Variants in OGFRL1 observed in about 807,000 individuals in gnomAD.
OGFRL1 encodes the protein opioid growth factor receptor like 1, also known as opioid growth factor receptor-like protein 1.
Under a neutral mutation model 32.4 loss-of-function variants are expected in OGFRL1, and 26 were observed. That is an observed-to-expected ratio of 0.80 (90% CI 0.59 to 1.11). The LOEUF is 1.11. Ranked by LOEUF, OGFRL1 falls within the 50% of genes most tolerant of loss-of-function variation. The pLI, the probability that OGFRL1 is intolerant of heterozygous loss-of-function variation, is 0.00. For missense variants in OGFRL1, 521 were observed against 546.4 expected (o/e 0.95, Z 0.46); for synonymous variants, 211 against 201.2 (o/e 1.05, Z -0.41).
In OGFRL1 at chr6:71,297,797, T is replaced by C. The variant is rs181254893; in HGVS notation, c.692+980T>C. ...TTGGTAAGATGGGTATAAATATATATATTTTTAATTTTATTATTATTATAC... is the reference window on the plus strand; with the variant it reads ...TTGGTAAGATGGGTATAAATATATACATTTTTAATTTTATTATTATTATAC... On this transcript the variant is annotated intron_variant, in intron 6 of 6. Coordinates refer to ENST00000370435, the MANE Select transcript of OGFRL1 (RefSeq NM_024576.5). Among the ~76,000 whole-genome samples the C allele has an allele frequency of 4.6e-5, 7 of 151,712 alleles. No homozygotes were observed. The East Asian group carries it at 1.4e-3, about 29-fold the overall frequency.
chr6:71,302,158 G>T lies in OGFRL1; in HGVS notation c.*109G>T. On this transcript the variant is annotated 3_prime_UTR_variant, in exon 7 of 7. Coordinates refer to ENST00000370435, the MANE Select transcript of OGFRL1 (RefSeq NM_024576.5). ...AATTTCAAATTTTAGCCATCTGTTT[G>T]TGATTTCTGTCATAAGCATTTTGTT... is the stretch of plus-strand genomic sequence containing the variant. The T allele has an allele frequency of 2.1e-6, 2 of 935,174 alleles. No homozygotes were observed. Among genetic ancestry groups the T allele is most frequent in the Non-Finnish European group, 1.5e-6 (1 of 663,762 alleles). The allele number at this position is 935,174 out of a possible 1,614,324, so 57.9% of individuals were successfully genotyped here.
Position 71,296,715 on chromosome 6 carries a change from C to CT in OGFRL1, c.592dup (p.Tyr198LeufsTer2), listed in dbSNP as rs1375638024. 7 of 1,613,340 alleles carry CT rather than the reference C, an allele frequency of 4.3e-6. No homozygotes were observed. Among genetic ancestry groups the CT allele is most frequent in the Non-Finnish European group, 5.9e-6 (7 of 1,179,658 alleles). On this transcript the variant is annotated frameshift_variant, in exon 6 of 7. Coordinates refer to ENST00000370435, the MANE Select transcript of OGFRL1 (RefSeq NM_024576.5). LOFTEE classifies it high-confidence loss of function. ...GAAGCAATTAGAAGATTCCTCCTGG[C>CT]TTATAAAATGATGCTAGAATTTTTT...
rs1001213528 is a variant in OGFRL1, at chr6:71,289,097, C to T, written c.161C>T (p.Pro54Leu). 6 of 1,116,938 alleles carry T rather than the reference C, an allele frequency of 5.4e-6. No homozygotes were observed. Among genetic ancestry groups the T allele is most frequent in the Non-Finnish European group, 6.6e-6 (6 of 915,720 alleles). 69.2% of individuals were successfully genotyped at this position (1,116,938 alleles called of 1,614,324 possible). ...GAGTCCGAGCAGCCCGCGCAGCCCC[C>T]GGAGCAAGCCGGCGGGCGGCCCGGC... Reference protein sequence around the residue: ...GQESEQPAQPPEQAGGRPGAS... With the variant: ...GQESEQPAQPLEQAGGRPGAS... Residue 54 changes from proline to leucine, a missense_variant, in exon 1 of 7, where the codon CCG becomes CTG. Pro to Leu is a moderately conservative substitution (Grantham distance 98). Coordinates refer to ENST00000370435, the MANE Select transcript of OGFRL1 (RefSeq NM_024576.5).
Position 71,301,657 on chromosome 6 carries a change from G to C in OGFRL1, c.964G>C (p.Gly322Arg). Residue 322 changes from glycine to arginine, a missense_variant, in exon 7 of 7, where the codon GGA becomes CGA. Coordinates refer to ENST00000370435, the MANE Select transcript of OGFRL1 (RefSeq NM_024576.5). ...WGPPRKEQSE[G>R]SKAQKMSSPL... ...ACCGCCTCGAAAAGAACAGTCGGAG[G>C]GAAGCAAAGCCCAGAAAATGTCTTC... 1 of 1,614,042 alleles carries C rather than the reference G, an allele frequency of 6.2e-7. No individual in the cohort carries two copies. The highest frequency in any genetic ancestry group is 1.3e-5 in the African/African-American group (1 of 74,996).
At position 71,301,715 on chromosome 6, in the gene OGFRL1, C is replaced by A; in HGVS notation, c.1022C>A (p.Ser341Tyr). The A allele has an allele frequency of 6.2e-7, 1 of 1,613,948 alleles. No homozygotes were observed. The highest frequency in any genetic ancestry group is 8.5e-7 in the Non-Finnish European group (1 of 1,180,024). Residue 341 changes from serine to tyrosine, a missense_variant, in exon 7 of 7, where the codon TCT becomes TAT. Physicochemically the swap from Ser to Tyr is moderately radical, Grantham distance 144 (BLOSUM62 -2). Transcript: ENST00000370435. ...GCCTCCAGTCATAACAGTCAAACTT[C>A]TATGCACAAAAAAGCCAAGGACTCC... Reference protein sequence around the residue: ...PLASSHNSQTSMHKKAKDSKN... With the variant: ...PLASSHNSQTYMHKKAKDSKN...
At chr6:71,299,961 A>C (rs1289956017) in intron 6 of OGFRL1, among the ~76,000 whole-genome samples, 1 of 152,224 alleles carries the variant, frequency 6.6e-6, no homozygotes, top group Non-Finnish European at 1.5e-5. Context: ...TGAATCATTA[A>C]GGTTTTTGTT....
rs954898025 is a variant in OGFRL1, at chr6:71,289,538, G to A, written c.234+368G>A. ...AGGATTTTGACAACCCCTCTAGTGT[G>A]TGTTATTGGTAAAAAAAAAAAAAAA... On this transcript the variant is annotated intron_variant, in intron 1 of 6. Coordinates refer to ENST00000370435, the MANE Select transcript of OGFRL1 (RefSeq NM_024576.5). 8.1e-3 allele frequency: 1,275 copies of A among 156,596 alleles called. 5 individuals carry two copies. Among genetic ancestry groups the A allele is most frequent in the Non-Finnish European group, 0.012 (1,163 of 100,234 alleles). 9.7% of individuals were successfully genotyped at this position (156,596 alleles called of 1,614,324 possible).
intron 2 of OGFRL1, 69 bp from the exon 3 acceptor site, chr6:71,293,464 C>T (rs1582551265): frequency 3.2e-6 from 5 of 1,551,370 alleles, no homozygotes; most frequent in Middle Eastern, 1.7e-4. Flanking sequence ...AGAAAACATG[C>T]ATGAAGGGTC....
chr6:71,297,865 CA>C (rs1434652679), intron 6 of OGFRL1, among the ~76,000 whole-genome samples: 8 of 151,610 alleles, frequency 5.3e-5, no homozygotes, highest in Non-Finnish European at 1.2e-4. Context: ...AGGTTAGTTA[CA>C]TATGTATACA....
At chr6:71,292,620 A>G (rs933277945) in intron 1 of OGFRL1, among the ~76,000 whole-genome samples, 2 of 152,194 alleles carry the variant, frequency 1.3e-5, no homozygotes, top group Admixed American at 6.5e-5. Context: ...ACCATGTATA[A>G]GTTGTTTCAA....
At position 71,289,499 on chromosome 6, in the gene OGFRL1, C is replaced by A. The variant is rs962142873; in HGVS notation, c.234+329C>A. The stretch of plus-strand genomic sequence containing the variant: ...TATGCGAAGGTGGGGTGGGAGGAAC[C>A]TGTCTAAAAATAGAGGATTTTGACA... On this transcript the variant is annotated intron_variant, in intron 1 of 6. Transcript: ENST00000370435. 10 of 970,856 alleles carry A rather than the reference C, an allele frequency of 1.0e-5. No individual in the cohort carries two copies. In the African/African-American group the frequency reaches 1.7e-4, roughly 17 times the overall value. The allele number at this position is 970,856 out of a possible 1,614,324, so 60.1% of individuals were successfully genotyped here.
At position 71,303,375 on chromosome 6, in the gene OGFRL1, A is replaced by C. The variant is rs574907028; in HGVS notation, c.*1326A>C. The C allele has an allele frequency of 1.8e-4, 27 of 152,294 alleles. No homozygotes were observed. Among genetic ancestry groups the C allele is most frequent in the African/African-American group, 6.3e-4 (26 of 41,562 alleles). 9.4% of individuals were successfully genotyped at this position (152,294 alleles called of 1,614,324 possible). On this transcript the variant is annotated 3_prime_UTR_variant, in exon 7 of 7. Transcript: ENST00000370435. ...TACATGGAACAGAGTGGGACTTCTA[A>C]TTGTATGACTTCAAGATTTTGCTTT...
chr6:71,296,592 G>T (rs1433180512), intron 5 of OGFRL1, 31 bp downstream of exon 5: 17 of 1,608,020 alleles, frequency 1.1e-5, no homozygotes, highest in Non-Finnish European at 1.4e-5. Flanking sequence ...TTTATACAGG[G>T]TGGCCAAATA....
intron 6 of OGFRL1, among the ~76,000 whole-genome samples, chr6:71,297,933 C>G (rs1766263310): frequency 6.7e-6 from 1 of 149,854 alleles, no homozygotes; most frequent in Non-Finnish European, 1.5e-5. Context: ...AGGTATATCT[C>G]CTAATGCTAT....
Position 71,302,204 on chromosome 6 carries a change from T to G in OGFRL1, c.*155T>G. ...TTGTTGTTTGTTTTTTTATTTTGGATGACAATGAATTGAATATCTAATAAG... is the reference window on the plus strand; with the variant it reads ...TTGTTGTTTGTTTTTTTATTTTGGAGGACAATGAATTGAATATCTAATAAG... On this transcript the variant is annotated 3_prime_UTR_variant, in exon 7 of 7. Transcript: ENST00000370435. The G allele has an allele frequency of 1.8e-6, 1 of 555,780 alleles. No homozygotes were observed. The highest frequency in any genetic ancestry group is 2.9e-6 in the Non-Finnish European group (1 of 343,510). The allele number at this position is 555,780 out of a possible 1,614,324, so 34.4% of individuals were successfully genotyped here.
rs928706833 is a variant in OGFRL1 at position 71,305,164 on chromosome 6, A to G, written c.*3115A>G. On this transcript the variant is annotated 3_prime_UTR_variant, in exon 7 of 7. Transcript: ENST00000370435. ...TCTTTATTGTTGTACTGTGGAGTGC[A>G]AGGATACTAAATATTGGCTATTGAT... 3 of 152,068 alleles carry G rather than the reference A, an allele frequency of 2.0e-5. No individual in the cohort carries two copies. The highest frequency in any genetic ancestry group is 4.4e-5 in the Non-Finnish European group (3 of 67,916). The allele number at this position is 152,068 out of a possible 1,614,324, so 9.4% of individuals were successfully genotyped here.
intron 1 of OGFRL1, among the ~76,000 whole-genome samples, chr6:71,290,106 A>G (rs1293626483): frequency 2.0e-5 from 3 of 152,222 alleles, no homozygotes; most frequent in African/African-American, 7.2e-5. Context: ...GGAGGAAATC[A>G]TAAAGTCTTA....
intron 6 of OGFRL1, among the ~76,000 whole-genome samples, chr6:71,297,199 T>C (rs1410846505): frequency 1.3e-5 from 2 of 152,152 alleles, no homozygotes; most frequent in African/African-American, 4.8e-5. Context: ...CACAATCTGT[T>C]TCTAAGCATA....
At chr6:71,289,614 C>CAGCCAGCG in intron 1 of OGFRL1, 1 of 972,474 alleles carries the variant, frequency 1.0e-6, no homozygotes, top group Non-Finnish European at 1.2e-6. Flanking sequence ...CAAGTGCAAG[C>CAGCCAGCG]AGCCAGCGCT....
Sources: gnomAD v4.1 joint callset for allele counts (sites outside exome capture counted in the v4.1 genomes callset) on GRCh38, gnomAD v4.1.1 for gene constraint, MANE v1.5 for transcripts, NCBI Gene and HGNC (gene_info 2026-07-23, HGNC 2026-07-21) for gene names.